FAAH: variants seen among roughly 807,000 people sequenced by gnomAD.
The protein encoded by FAAH is fatty-acid amide hydrolase 1.
In FAAH, 63 loss-of-function variants were observed where a neutral mutation model predicts 69.7. The observed-to-expected ratio is 0.90, with a 90% CI of 0.74 to 1.12. The LOEUF (loss-of-function observed/expected upper bound fraction) is 1.12, where lower values mean the gene tolerates loss of function less well. Ranked by LOEUF, FAAH falls within the 50% of genes most tolerant of loss-of-function variation. The pLI is 0.00. For missense variants in FAAH, 680 were observed against 755.0 expected (o/e 0.90, Z 1.16); for synonymous variants, 305 against 324.2 (o/e 0.94, Z 0.64).
At position 46,411,916 on chromosome 1, in the gene FAAH, GC is replaced by G. The variant is rs1557762087; in HGVS notation, c.1357-225del. On this transcript the variant is annotated intron_variant, in intron 12 of 14. Coordinates refer to ENST00000243167, the MANE Select transcript of FAAH (RefSeq NM_001441.3). This position sits in a 1 kb window ranked among gnomAD's most constrained non-coding sequence, Gnocchi z 4.8. Reference sequence around the variant, plus strand: ...TCTGGAGCTGCCTTTGTGTGGCTCCGCCTCAGCGGGAAGAGGTGTATCCACA... The same window carrying G: ...TCTGGAGCTGCCTTTGTGTGGCTCCGCTCAGCGGGAAGAGGTGTATCCACA... 6.6e-6 allele frequency among the ~76,000 whole-genome samples: 1 copy of G among 152,232 alleles called. No homozygotes were observed. Among genetic ancestry groups the G allele is most frequent in the Non-Finnish European group, 1.5e-5 (1 of 68,046 alleles).
chr1:46,404,049 C>T lies in FAAH; in HGVS notation c.310-965C>T, dbSNP rs1303986569. On this transcript the variant is annotated intron_variant, in intron 2 of 14. Coordinates refer to ENST00000243167, the MANE Select transcript of FAAH (RefSeq NM_001441.3). This position sits in a 1 kb window ranked among gnomAD's most constrained non-coding sequence, Gnocchi z 4.5. ...CTAGGCAGGTGAACTTGTCTGGGTG[C>T]AGTGTATGTGACAATGCTGTGGGGG... Among the ~76,000 whole-genome samples the T allele has an allele frequency of 6.6e-6, 1 of 152,116 alleles. No individual in the cohort carries two copies. Among genetic ancestry groups the T allele is most frequent in the African/African-American group, 2.4e-5 (1 of 41,414 alleles).
At chr1:46,399,627 GGGT>G (rs1664661855) in intron 1 of FAAH, among the ~76,000 whole-genome samples, 1 of 152,214 alleles carries the variant, frequency 6.6e-6, no homozygotes, top group Non-Finnish European at 1.5e-5. Flanking sequence ...AGTTATTCCA[GGGT>G]GGTGAATGCT....
At chr1:46,406,493 G>GGTTCTCA in intron 7 of FAAH, 125 bp downstream of exon 7, 11 of 1,376,038 alleles carry the variant, frequency 8.0e-6, no homozygotes, top group Non-Finnish European at 1.0e-5. Flanking sequence ...AGGCCAGGGC[G>GGTTCTCA]GGTTGCTCCT....
At position 46,412,002 on chromosome 1, in the gene FAAH, G is replaced by A. The variant is rs1013527659; in HGVS notation, c.1357-141G>A. 6.5e-5 allele frequency: 50 copies of A among 765,692 alleles called. 1 individual carries two copies. Among genetic ancestry groups the A allele is most frequent in the Non-Finnish European group, 1.0e-4 (44 of 436,186 alleles). 47.4% of individuals were successfully genotyped at this position (765,692 alleles called of 1,614,324 possible). A position where few individuals can be genotyped will look rare whatever the true frequency, so the allele number is the denominator to read the frequency against. On this transcript the variant is annotated intron_variant, in intron 12 of 14. Coordinates refer to ENST00000243167, the MANE Select transcript of FAAH (RefSeq NM_001441.3). ...GAGAGGCAGCACTGCCTGCCCGGAG[G>A]ACCTGTGTCCCACTGTGGCTCTGTT...
intron 1 of FAAH, among the ~76,000 whole-genome samples, chr1:46,395,001 G>T (rs887667666): frequency 1.8e-4 from 28 of 152,218 alleles, no homozygotes; most frequent in African/African-American, 6.0e-4. Flanking sequence ...GTGCAGTGGT[G>T]CGATCTCGGC....
chr1:46,398,180 C>G (rs1569805603), intron 1 of FAAH, among the ~76,000 whole-genome samples: 2 of 152,344 alleles, frequency 1.3e-5, no homozygotes, highest in East Asian at 3.9e-4. Flanking sequence ...GGTGATCCCC[C>G]TGCCTTGGCT....
In FAAH at chr1:46,411,567, G is replaced by T; in HGVS notation, c.1317-45G>T. On this transcript the variant is annotated intron_variant, in intron 11 of 14. Coordinates refer to ENST00000243167, the MANE Select transcript of FAAH (RefSeq NM_001441.3). The surrounding 1 kb of genome is among the most constrained non-coding windows in gnomAD (Gnocchi z 4.8). The stretch of plus-strand genomic sequence containing the variant: ...TAGGGGTCTGATGTTGCTGATCTCC[G>T]TGGCTGTGACCATCATGGCTGGTGA... The T allele has an allele frequency of 6.2e-7, 1 of 1,611,408 alleles. No homozygotes were observed. Among genetic ancestry groups the T allele is most frequent in the Non-Finnish European group, 8.5e-7 (1 of 1,178,100 alleles).
Position 46,410,908 on chromosome 1 carries a change from TG to T in FAAH, c.1316+57del. 6.2e-7 allele frequency: 1 copy of T among 1,605,880 alleles called. No individual in the cohort carries two copies. Among genetic ancestry groups the T allele is most frequent in the Non-Finnish European group, 8.5e-7 (1 of 1,172,414 alleles). The stretch of plus-strand genomic sequence containing the variant: ...GCCCCTGCCTGTCCTGATCCGAGTC[TG>T]GGTCTGGGTAGTTTCTGACAGGAAA... On this transcript the variant is annotated intron_variant, in intron 11 of 14. Transcript: ENST00000243167. This position sits in a 1 kb window ranked among gnomAD's most constrained non-coding sequence, Gnocchi z 4.9.
intron 2 of FAAH, among the ~76,000 whole-genome samples, chr1:46,402,573 C>A (rs1426229374): frequency 6.6e-6 from 1 of 152,178 alleles, no homozygotes; most frequent in Non-Finnish European, 1.5e-5. Context: ...AGTGCAATGG[C>A]ACAATCTTGG....
In FAAH at chr1:46,405,419, G is replaced by A. The variant is rs200249586; in HGVS notation, c.492G>A (p.Ala164=). The part of the protein sequence containing the change: ...LGLSLNEGVP[A]ECDSVVVHVL... Reference sequence around the variant, plus strand: ...TGAGCCTGAATGAAGGGGTGCCGGCGGAGTGCGACAGCGTAGTGGTGCATG... The same window carrying A: ...TGAGCCTGAATGAAGGGGTGCCGGCAGAGTGCGACAGCGTAGTGGTGCATG... The change falls in exon 4 of 15, where the codon GCG becomes GCA. Residue 164 remains alanine (A), a synonymous_variant. Coordinates refer to ENST00000243167, the MANE Select transcript of FAAH (RefSeq NM_001441.3). This position sits in a 1 kb window ranked among gnomAD's most constrained non-coding sequence, Gnocchi z 4.1. The A allele has an allele frequency of 1.1e-4, 176 of 1,613,176 alleles. 4 individuals carry two copies. The South Asian group carries it at 1.7e-3, about 16-fold the overall frequency.
At chr1:46,395,738 G>A (rs961254533) in intron 1 of FAAH, among the ~76,000 whole-genome samples, 13 of 152,184 alleles carry the variant, frequency 8.5e-5, no homozygotes, top group African/African-American at 2.4e-4. Context: ...TTTTTGAGTT[G>A]GGGCAGAGCT....
Position 46,411,464 on chromosome 1 carries a change from G to A in FAAH, c.1317-148G>A, listed in dbSNP as rs1664911454. The A allele has an allele frequency of 1.2e-5, 10 of 846,760 alleles. 1 individual carries two copies. The South Asian group carries it at 1.3e-4, about 11-fold the overall frequency. 52.5% of individuals were successfully genotyped at this position (846,760 alleles called of 1,614,324 possible). A position where few individuals can be genotyped will look rare whatever the true frequency, so the allele number is the denominator to read the frequency against. ...GCCTGATTTTCTCATCCAGACAGTAGGGGTTTGAACTTCCCTCTCAGAGCT... is the reference window on the plus strand; with the variant it reads ...GCCTGATTTTCTCATCCAGACAGTAAGGGTTTGAACTTCCCTCTCAGAGCT... On this transcript the variant is annotated intron_variant, in intron 11 of 14. Transcript: ENST00000243167. This position sits in a 1 kb window ranked among gnomAD's most constrained non-coding sequence, Gnocchi z 4.8.
Position 46,408,502 on chromosome 1 carries a change from C to T in FAAH, c.995C>T (p.Thr332Ile). Residue 332 changes from threonine to isoleucine, a missense_variant, in exon 8 of 15, where the codon ACT becomes ATT. Coordinates refer to ENST00000243167, the MANE Select transcript of FAAH (RefSeq NM_001441.3). The part of the protein sequence containing the change: ...SQPLRVGYYE[T>I]DNYTMPSPAM... ...CCCCTGCGTGTGGGGTACTATGAGA[C>T]TGACAACTATACCATGCCCTCCCCG... 1.2e-6 allele frequency: 2 copies of T among 1,614,176 alleles called. No individual in the cohort carries two copies. The highest frequency in any genetic ancestry group is 1.7e-6 in the Non-Finnish European group (2 of 1,180,018).
At chr1:46,402,361 C>T (rs549952030) in intron 2 of FAAH, among the ~76,000 whole-genome samples, 157 bp downstream of exon 2, 2 of 152,376 alleles carry the variant, frequency 1.3e-5, no homozygotes, top group Admixed American at 1.3e-4. Context: ...GTGCCAGGGA[C>T]TGCCAGGGAG....
rs1411604682 is a variant in FAAH at position 46,413,482 on chromosome 1, G to A, written c.1647G>A (p.Val549=). 4 of 1,613,966 alleles carry A rather than the reference G, an allele frequency of 2.5e-6. No individual in the cohort carries two copies. Among genetic ancestry groups the A allele is most frequent in the Non-Finnish European group, 3.4e-6 (4 of 1,179,992 alleles). Residue 549 remains valine (V), a synonymous_variant, in exon 15 of 15, where the codon GTG becomes GTA. Coordinates refer to ENST00000243167, the MANE Select transcript of FAAH (RefSeq NM_001441.3). ...MKKSVGLPVA[V]QCVALPWQEE... ...AGAGTGTGGGGCTGCCGGTGGCCGT[G>A]CAGTGTGTGGCTCTGCCCTGGCAAG... is the stretch of plus-strand genomic sequence containing the variant.
At chr1:46,398,970 A>G (rs571567067) in intron 1 of FAAH, among the ~76,000 whole-genome samples, 1 of 148,474 alleles carries the variant, frequency 6.7e-6, no homozygotes, top group South Asian at 2.1e-4. Context: ...AATTCTGTTG[A>G]CGCTTCACCC....
At position 46,409,193 on chromosome 1, in the gene FAAH, G is replaced by T; in HGVS notation, c.1170G>T (p.Gln390His). The T allele has an allele frequency of 6.2e-7, 1 of 1,613,046 alleles. No homozygotes were observed. The highest frequency in any genetic ancestry group is 1.1e-5 in the South Asian group (1 of 91,032). Residue 390 changes from glutamine to histidine, a missense_variant, in exon 9 of 15, where the codon CAG becomes CAT. Gln to His is a conservative substitution (Grantham distance 24, BLOSUM62 0). Coordinates refer to ENST00000243167, the MANE Select transcript of FAAH (RefSeq NM_001441.3). Reference sequence around the variant, plus strand: ...GTGATGGTGGCCACACCTTCCTACAGAACTTGTGAGTGATAGTGGGCTTTG... The same window carrying T: ...GTGATGGTGGCCACACCTTCCTACATAACTTGTGAGTGATAGTGGGCTTTG... ...LFSDGGHTFL[Q>H]NFKGDFVDPC...
At chr1:46,403,413 C>G (rs374627367) in intron 2 of FAAH, among the ~76,000 whole-genome samples, 3 of 152,154 alleles carry the variant, frequency 2.0e-5, no homozygotes, top group Admixed American at 6.5e-5. Flanking sequence ...CTTCTTTTAC[C>G]CAGCCCTCTC....
At chr1:46,399,150 A>G (rs1053383063) in intron 1 of FAAH, among the ~76,000 whole-genome samples, 1 of 152,154 alleles carries the variant, frequency 6.6e-6, no homozygotes, top group Admixed American at 6.6e-5. Context: ...TTTTTCCTAC[A>G]TCTCTTACAA....
Sources: allele counts gnomAD v4.1 joint callset (sites outside exome capture counted in the v4.1 genomes callset), GRCh38; gene constraint gnomAD v4.1.1; non-coding constraint Gnocchi (gnomAD v3.1); transcripts MANE v1.5; gene names NCBI Gene and HGNC (gene_info 2026-07-23, HGNC 2026-07-21).